Variants in KALRN observed in about 807,000 individuals in gnomAD.
KALRN encodes kalirin RhoGEF kinase, also known as kalirin.
KALRN carries 70 observed loss-of-function variants against 353.7 expected under a neutral mutation model. The observed-to-expected ratio is 0.20, with a 90% CI of 0.16 to 0.24. The LOEUF is 0.24. Ranked by LOEUF, KALRN falls within the 10% of genes least tolerant of loss-of-function variation. KALRN has a pLI of 1.00. For synonymous variants in KALRN, 1,391 were observed against 1,434.8 expected (o/e 0.97, Z 0.69); for missense variants, 2,791 against 3,756.7 (o/e 0.74, Z 6.72).
intron 34 of KALRN, among the ~76,000 whole-genome samples, chr3:124,624,966 A>C (rs894741594): frequency 2.6e-5 from 4 of 152,332 alleles, no homozygotes; most frequent in Admixed American, 2.6e-4. Context: ...TTTGACGCTT[A>C]ACATATCGAG....
intron 15 of KALRN, among the ~76,000 whole-genome samples, chr3:124,424,423 G>A (rs2092927348): frequency 6.6e-6 from 1 of 151,790 alleles, no homozygotes; most frequent in African/African-American, 2.4e-5. Context: ...TATATTAAAG[G>A]TATTCCTTCC....
chr3:124,514,094 C>A (rs1012257584), intron 33 of KALRN, among the ~76,000 whole-genome samples: 1 of 152,164 alleles, frequency 6.6e-6, no homozygotes, highest in Non-Finnish European at 1.5e-5. Flanking sequence ...TCTCTCTATG[C>A]AGTATTTAAT....
intron 45 of KALRN, 114 bp downstream of exon 45, chr3:124,662,042 C>A: frequency 3.6e-6 from 3 of 824,500 alleles, no homozygotes; most frequent in Non-Finnish European, 6.4e-6. Flanking sequence ...CTTCACTCAC[C>A]ACTATGCCTT....
chr3:124,384,958 C>G lies in KALRN; in HGVS notation c.1884C>G (p.Ile628Met). 6.2e-7 allele frequency: 1 copy of G among 1,614,072 alleles called. No homozygotes were observed. Among genetic ancestry groups the G allele is most frequent in the Non-Finnish European group, 8.5e-7 (1 of 1,179,986 alleles). ...CAGCTCGACACCTGGAGGTGCGCATCCAAGACTTCGTGCGCAGGGTGGAGC... is the reference window on the plus strand; with the variant it reads ...CAGCTCGACACCTGGAGGTGCGCATGCAAGACTTCGTGCGCAGGGTGGAGC... ...YKAARHLEVR[I>M]QDFVRRVEQR... is the part of the protein sequence containing the mutation. The change falls in exon 11 of 60, where the codon ATC becomes ATG. Residue 628 changes from isoleucine to methionine, a missense_variant. Coordinates refer to ENST00000682506, the MANE Select transcript of KALRN (RefSeq NM_001388419.1).
chr3:124,358,105 G>A (rs2083620599), intron 10 of KALRN, among the ~76,000 whole-genome samples: 1 of 152,132 alleles, frequency 6.6e-6, no homozygotes, highest in Non-Finnish European at 1.5e-5. Context: ...CCCAGCCCAG[G>A]GTCTGGCACT....
intron 29 of KALRN, among the ~76,000 whole-genome samples, chr3:124,490,106 A>G (rs2062984843): frequency 6.6e-6 from 1 of 152,280 alleles, no homozygotes; most frequent in East Asian, 1.9e-4. Flanking sequence ...AGAAAATACA[A>G]AAATTACCTG....
chr3:124,326,860 G>A (rs7620994), intron 7 of KALRN, among the ~76,000 whole-genome samples: 123,236 of 152,192 alleles, frequency 0.81, 51,167 homozygotes, highest in Non-Finnish European at 0.9. Context: ...ATAATTAAAT[G>A]TGTTATGTTA....
At chr3:124,205,116 A>G (rs563666886) in intron 1 of KALRN, among the ~76,000 whole-genome samples, 3 of 152,348 alleles carry the variant, frequency 2.0e-5, no homozygotes, top group South Asian at 4.1e-4. Context: ...TCCAAATAGG[A>G]AGGCATAGTC....
At chr3:124,318,698 C>A (rs924048258) in intron 6 of KALRN, among the ~76,000 whole-genome samples, 3 of 152,154 alleles carry the variant, frequency 2.0e-5, no homozygotes, top group African/African-American at 7.2e-5. Context: ...TTTGGAATAT[C>A]TCCAAATACT....
chr3:124,220,006 G>A lies in KALRN; in HGVS notation c.74-7984G>A, dbSNP rs994032668. On this transcript the variant is annotated intron_variant, in intron 1 of 59. Transcript: ENST00000682506. ...GTCTCCCAGGCCGGAGTGCAGTGGCGTGATCTCTGTTCACTGCAACCTCTG... is the reference window on the plus strand; with the variant it reads ...GTCTCCCAGGCCGGAGTGCAGTGGCATGATCTCTGTTCACTGCAACCTCTG... Among the ~76,000 whole-genome samples the A allele has an allele frequency of 3.3e-5, 5 of 151,636 alleles. No individual in the cohort carries two copies. The East Asian group carries it at 7.8e-4, about 24-fold the overall frequency.
chr3:124,356,416 C>T (rs911458033), intron 10 of KALRN, among the ~76,000 whole-genome samples: 1 of 149,868 alleles, frequency 6.7e-6, no homozygotes, highest in Non-Finnish European at 1.5e-5. Context: ...TCACTGCAAC[C>T]TCTGCCTCCC....
At chr3:124,575,853 G>A (rs2651613) in intron 34 of KALRN, among the ~76,000 whole-genome samples, 93,452 of 151,992 alleles carry the variant, frequency 0.61, 29,971 homozygotes, top group East Asian at 0.83. Context: ...TAATCCCCTT[G>A]CCTCGAGGTC....
intron 29 of KALRN, among the ~76,000 whole-genome samples, chr3:124,489,819 G>T (rs2062950422): frequency 1.3e-5 from 2 of 152,252 alleles, no homozygotes; most frequent in Admixed American, 6.5e-5. Flanking sequence ...AGGTTGGAGG[G>T]TGGGCAGTAA....
chr3:124,204,056 G>A (rs994325733), intron 1 of KALRN, among the ~76,000 whole-genome samples: 1 of 152,194 alleles, frequency 6.6e-6, no homozygotes, highest in Non-Finnish European at 1.5e-5. Flanking sequence ...CCAAACTTCT[G>A]TGTATACTGA....
intron 1 of KALRN, chr3:124,164,099 A>G: frequency 2.5e-6 from 1 of 396,298 alleles, no homozygotes; most frequent in Non-Finnish European, 3.4e-6. Flanking sequence ...TGGCTGAGAC[A>G]TCCTTTACCT....
At chr3:124,537,494 T>G (rs144729997) in intron 33 of KALRN, among the ~76,000 whole-genome samples, 363 of 152,274 alleles carry the variant, frequency 2.4e-3, no homozygotes, top group Non-Finnish European at 3.9e-3. Context: ...TGGGAACTGC[T>G]GGTGGTGATG....
At chr3:124,383,858 C>T (rs1015058322) in intron 10 of KALRN, among the ~76,000 whole-genome samples, 3 of 152,126 alleles carry the variant, frequency 2.0e-5, no homozygotes, top group Non-Finnish European at 4.4e-5. Context: ...AGAGTCATTG[C>T]TCATGAATCC....
chr3:124,550,105 C>A (rs1041429113), intron 33 of KALRN, among the ~76,000 whole-genome samples: 3 of 152,106 alleles, frequency 2.0e-5, no homozygotes, highest in African/African-American at 7.2e-5. Flanking sequence ...GTGATGAACA[C>A]CTGGATGAGC....
chr3:124,252,306 A>G lies in KALRN; in HGVS notation c.264-12192A>G, dbSNP rs1485702187. ...AGTTAGATGCCTGGTCCAAACGGCT[A>G]AGATATCCAGCCGACTGTGTGACCT... On this transcript the variant is annotated intron_variant, in intron 3 of 59. Coordinates refer to ENST00000682506, the MANE Select transcript of KALRN (RefSeq NM_001388419.1). Among the ~76,000 whole-genome samples the G allele has an allele frequency of 2.6e-5, 4 of 152,152 alleles. No individual in the cohort carries two copies. In the East Asian group the frequency reaches 7.7e-4, roughly 29 times the overall value.
Sources: gnomAD v4.1 joint callset for allele counts (sites outside exome capture counted in the v4.1 genomes callset) on GRCh38, gnomAD v4.1.1 for gene constraint, MANE v1.5 for transcripts, NCBI Gene and HGNC (gene_info 2026-07-23, HGNC 2026-07-21) for gene names.